SLC6A15: variants seen among roughly 807,000 people sequenced by gnomAD.
SLC6A15 encodes solute carrier family 6 member 15, also known as sodium-dependent neutral amino acid transporter B(0)AT2.
In SLC6A15, 33 loss-of-function variants were observed where a neutral mutation model predicts 68.5. That is an observed-to-expected ratio of 0.48 (90% CI 0.37 to 0.64). The LOEUF (loss-of-function observed/expected upper bound fraction) is 0.64. Ranked by LOEUF, SLC6A15 falls within the 30% of genes least tolerant of loss-of-function variation. SLC6A15 has a pLI of 0.00. For synonymous variants in SLC6A15, 347 were observed against 301.0 expected (o/e 1.15, Z -1.58); for missense variants, 747 against 874.3 (o/e 0.85, Z 1.84).
chr12:84,882,404 A>G, intron 5 of SLC6A15: 1 of 972,350 alleles, frequency 1.0e-6, no homozygotes, highest in Non-Finnish European at 1.2e-6. Flanking sequence ...AGATGTGTTA[A>G]CAAGTATATT....
At chr12:84,867,011 T>C (rs1414940768) in intron 10 of SLC6A15, 23 bp downstream of exon 10, 2 of 1,507,708 alleles carry the variant, frequency 1.3e-6, no homozygotes, top group Non-Finnish European at 1.8e-6. Flanking sequence ...TAAAAGTGAA[T>C]ACATAAAAGC....
In SLC6A15 at chr12:84,892,281, A is replaced by T. The variant is rs1872443106; in HGVS notation, c.-161T>A. The T allele has an allele frequency of 2.4e-5, 15 of 630,622 alleles. 1 individual carries two copies. In the South Asian group the frequency reaches 3.3e-4, roughly 14 times the overall value. 39.1% of individuals were successfully genotyped at this position (630,622 alleles called of 1,614,324 possible). A position where few individuals can be genotyped will look rare whatever the true frequency, so the allele number is the denominator to read the frequency against. On this transcript the variant is annotated 5_prime_UTR_variant, in exon 2 of 12. Coordinates refer to ENST00000266682, the MANE Select transcript of SLC6A15 (RefSeq NM_182767.6). ...GGTGATAAAGCCTTATGGATTCTGA[A>T]TCCGTATGTCCAGTATTCTGTAGGT...
At chr12:84,879,081 A>C (rs1871697622) in intron 5 of SLC6A15, among the ~76,000 whole-genome samples, 1 of 151,914 alleles carries the variant, frequency 6.6e-6, no homozygotes, top group African/African-American at 2.4e-5. Flanking sequence ...CTCCAATATC[A>C]TCAGTCAACT....
At chr12:84,894,281 T>G (rs544454786) in intron 1 of SLC6A15, among the ~76,000 whole-genome samples, 129 of 152,310 alleles carry the variant, frequency 8.5e-4, no homozygotes, top group Non-Finnish European at 1.4e-3. Context: ...GATTTACATT[T>G]ATTAAATTAT....
intron 10 of SLC6A15, among the ~76,000 whole-genome samples, chr12:84,865,790 A>G (rs893512167): frequency 6.6e-6 from 1 of 152,180 alleles, no homozygotes; most frequent in Non-Finnish European, 1.5e-5. Flanking sequence ...CATGGATTGA[A>G]TAATATTTCA....
chr12:84,875,488 A>G (rs1385300835), intron 6 of SLC6A15, among the ~76,000 whole-genome samples: 1 of 151,620 alleles, frequency 6.6e-6, no homozygotes, highest in Non-Finnish European at 1.5e-5. Flanking sequence ...AATTCCAGAG[A>G]AGCTAATCCC....
intron 1 of SLC6A15, among the ~76,000 whole-genome samples, chr12:84,900,269 T>C (rs1189465344): frequency 6.6e-6 from 1 of 152,056 alleles, no homozygotes; most frequent in Non-Finnish European, 1.5e-5. Flanking sequence ...TAGGTTTCAA[T>C]TATATTTTGC....
At chr12:84,883,516 T>A in intron 5 of SLC6A15, 1 of 1,276,584 alleles carries the variant, frequency 7.8e-7, no homozygotes, top group South Asian at 2.2e-5. Context: ...CTTTCCCCAA[T>A]TTCCATAATT....
At chr12:84,878,558 T>C (rs1215325921) in intron 5 of SLC6A15, among the ~76,000 whole-genome samples, 1 of 152,112 alleles carries the variant, frequency 6.6e-6, no homozygotes, top group African/African-American at 2.4e-5. Context: ...ATTCTGCTTA[T>C]ATAAAAGTGA....
intron 2 of SLC6A15, among the ~76,000 whole-genome samples, chr12:84,890,136 T>A (rs539491119): frequency 5.2e-4 from 79 of 152,232 alleles, no homozygotes; most frequent in Non-Finnish European, 9.0e-4. Context: ...AAGTGAAAAA[T>A]CGGTTGGTAT....
intron 1 of SLC6A15, among the ~76,000 whole-genome samples, chr12:84,907,226 T>C (rs953893543): frequency 6.6e-6 from 1 of 151,914 alleles, no homozygotes; most frequent in Non-Finnish European, 1.5e-5. Context: ...CGGGTACCTG[T>C]AGTCCAAGCT....
chr12:84,886,066 C>A lies in SLC6A15; in HGVS notation c.292G>T (p.Ala98Ser). The change falls in exon 3 of 12, where the codon GCA (alanine) becomes TCA (serine). Residue 98 changes from alanine (A) to serine (S), a missense_variant and splice_region_variant. By Grantham distance (99) the Ala-to-Ser change is moderately conservative. Coordinates refer to ENST00000266682, the MANE Select transcript of SLC6A15 (RefSeq NM_182767.6). ...PYLCQKNGGG[A>S]YLLPYLILLM... ...AGTATTAAATATGGTAAAAGATATG[C>A]ACCTAAAGAAACAACAACAAAAAAT... 1.3e-6 allele frequency: 2 copies of A among 1,578,382 alleles called. No individual in the cohort carries two copies. The highest frequency in any genetic ancestry group is 1.7e-6 in the Non-Finnish European group (2 of 1,154,876).
At position 84,898,135 on chromosome 12, in the gene SLC6A15, T is replaced by C. The variant is rs561554402; in HGVS notation, c.-188-5827A>G. On this transcript the variant is annotated intron_variant, in intron 1 of 11. Coordinates refer to ENST00000266682, the MANE Select transcript of SLC6A15 (RefSeq NM_182767.6). ...TGGGCAGATCACTTGATGCCAGGAG[T>C]TCAAGACCAGCCTGGCCAACATGGT... is the stretch of plus-strand genomic sequence containing the variant. Among the ~76,000 whole-genome samples the C allele has an allele frequency of 1.9e-4, 29 of 151,540 alleles. No individual in the cohort carries two copies. In the South Asian group the frequency reaches 5.9e-3, roughly 31 times the overall value.
chr12:84,889,341 T>C (rs1023199700), intron 2 of SLC6A15, among the ~76,000 whole-genome samples: 3 of 151,626 alleles, frequency 2.0e-5, no homozygotes, highest in Admixed American at 6.6e-5. Context: ...ATACAAAAAA[T>C]TAGCTGGGCG....
At position 84,862,006 on chromosome 12, in the gene SLC6A15, C is replaced by T. The variant is rs777378950; in HGVS notation, c.1819G>A (p.Ala607Thr). The T allele has an allele frequency of 3.2e-6, 5 of 1,571,810 alleles. No homozygotes were observed. In the African/African-American group the frequency reaches 5.5e-5, roughly 17 times the overall value. Residue 607 changes from alanine (A) to threonine (T), a missense_variant and splice_region_variant, in exon 12 of 12, where the codon GCA (alanine) becomes ACA (threonine). Coordinates refer to ENST00000266682, the MANE Select transcript of SLC6A15 (RefSeq NM_182767.6). Reference sequence around the variant, plus strand: ...GGATAGCTCAGAAATTCTTCAGATGCCTGTTAAAGAAGAAAATAATAATTA... The same window carrying T: ...GGATAGCTCAGAAATTCTTCAGATGTCTGTTAAAGAAGAAAATAATAATTA... ...PGYNAWIEDK[A>T]SEEFLSYPTW...
intron 1 of SLC6A15, among the ~76,000 whole-genome samples, chr12:84,893,737 G>GA (rs148446880): frequency 2.6e-5 from 4 of 151,886 alleles, no homozygotes; most frequent in Admixed American, 6.6e-5. Context: ...TAACCCAGTG[G>GA]AAAAAAAATT....
At chr12:84,882,226 A>G (rs2120627329) in intron 5 of SLC6A15, 2 of 985,366 alleles carry the variant, frequency 2.0e-6, no homozygotes, top group Admixed American at 6.1e-5. Flanking sequence ...AAATGATATT[A>G]TGTTAGGAAT....
intron 9 of SLC6A15, among the ~76,000 whole-genome samples, chr12:84,869,352 C>T (rs1871191691): frequency 6.6e-6 from 1 of 151,562 alleles, no homozygotes; most frequent in Non-Finnish European, 1.5e-5. Context: ...GTCCCAGCTA[C>T]TCGGGAGGCT....
intron 5 of SLC6A15, among the ~76,000 whole-genome samples, chr12:84,877,653 A>G (rs1871614166): frequency 6.6e-6 from 1 of 151,978 alleles, no homozygotes; most frequent in African/African-American, 2.4e-5. Context: ...CCTCCTTACT[A>G]TTTTAGTCTC....
Sources: gnomAD v4.1 joint callset for allele counts (sites outside exome capture counted in the v4.1 genomes callset) on GRCh38, gnomAD v4.1.1 for gene constraint, MANE v1.5 for transcripts, NCBI Gene and HGNC (gene_info 2026-07-23, HGNC 2026-07-21) for gene names.